The following KHDRBS3 variants were observed in gnomAD, a reference collection of about 807,000 sequenced individuals.
The protein encoded by KHDRBS3 is KH domain-containing, RNA-binding, signal transduction-associated protein 3.
KHDRBS3 carries 23 observed loss-of-function variants against 45.6 expected under a neutral mutation model. That is an observed-to-expected ratio of 0.50 (90% CI 0.36 to 0.72). The LOEUF (loss-of-function observed/expected upper bound fraction) is 0.72. KHDRBS3 is among the 30% of genes least tolerant of loss of function. The pLI is 0.00. For missense variants in KHDRBS3, 352 were observed against 424.8 expected (o/e 0.83, Z 1.51); for synonymous variants, 162 against 156.5 (o/e 1.04, Z -0.26).
chr8:135,550,280 C>T (rs1489842553), intron 4 of KHDRBS3, among the ~76,000 whole-genome samples: 1 of 152,112 alleles, frequency 6.6e-6, no homozygotes, highest in Non-Finnish European at 1.5e-5. Context: ...TCTAATTTAC[C>T]TCACACAGAA....
chr8:135,464,305 C>T (rs1239136574), intron 1 of KHDRBS3, among the ~76,000 whole-genome samples: 1 of 152,166 alleles, frequency 6.6e-6, no homozygotes. Context: ...TGCTCTCCGG[C>T]AGTCTTCAGT....
intron 7 of KHDRBS3, among the ~76,000 whole-genome samples, chr8:135,615,357 T>C (rs1223772307): frequency 6.6e-6 from 1 of 151,800 alleles, no homozygotes; most frequent in Non-Finnish European, 1.5e-5. Context: ...TCTGCTGTAG[T>C]GTATCAGACA....
At chr8:135,639,117 A>T (rs867256387) in intron 7 of KHDRBS3, among the ~76,000 whole-genome samples, 1 of 152,224 alleles carries the variant, frequency 6.6e-6, no homozygotes, top group Non-Finnish European at 1.5e-5. Context: ...TAACATGTGG[A>T]TGAGCATTGA....
rs200786752 is a variant in KHDRBS3, at chr8:135,542,562, TG to T, written c.208-91del. The T allele has an allele frequency of 3.6e-3, 2,714 of 755,296 alleles. 41 individuals carry two copies. Among genetic ancestry groups the T allele is most frequent in the African/African-American group, 0.035 (2,016 of 57,356 alleles). 46.8% of individuals were successfully genotyped at this position (755,296 alleles called of 1,614,324 possible). ...TTAAATATTTGCCATTAATCAATGA[TG>T]TGTAGCACACTACAGTGTTTCTTAA... On this transcript the variant is annotated intron_variant, in intron 2 of 8. Coordinates refer to ENST00000355849, the MANE Select transcript of KHDRBS3 (RefSeq NM_006558.3).
chr8:135,639,986 AAAGTG>A (rs1830994110), intron 7 of KHDRBS3, among the ~76,000 whole-genome samples: 1 of 152,284 alleles, frequency 6.6e-6, no homozygotes, highest in Middle Eastern at 3.4e-3. Flanking sequence ...GTTAAAGAAA[AAAGTG>A]GAGAGGGTTG....
intron 7 of KHDRBS3, among the ~76,000 whole-genome samples, chr8:135,623,754 TCA>T (rs1830247852): frequency 6.6e-6 from 1 of 152,184 alleles, no homozygotes; most frequent in Admixed American, 6.5e-5. Flanking sequence ...GGCTAGTTAC[TCA>T]CAGTTTTTGG....
intron 1 of KHDRBS3, among the ~76,000 whole-genome samples, chr8:135,494,399 C>T (rs956275054): frequency 6.6e-6 from 1 of 151,390 alleles, no homozygotes; most frequent in Non-Finnish European, 1.5e-5. Context: ...CTGCCTCAGC[C>T]TCCTGAGTAG....
chr8:135,513,203 A>G (rs1051159273), intron 1 of KHDRBS3, among the ~76,000 whole-genome samples: 1 of 152,134 alleles, frequency 6.6e-6, no homozygotes, highest in Non-Finnish European at 1.5e-5. Flanking sequence ...CCGTCTCAAA[A>G]AAAAAAAGAA....
chr8:135,570,539 T>C (rs1228147773), intron 5 of KHDRBS3, among the ~76,000 whole-genome samples: 2 of 152,268 alleles, frequency 1.3e-5, no homozygotes, highest in East Asian at 3.9e-4. Context: ...TATAGGAAAA[T>C]GGTAATATAT....
chr8:135,499,129 G>A (rs2130489100), intron 1 of KHDRBS3, among the ~76,000 whole-genome samples: 1 of 152,286 alleles, frequency 6.6e-6, no homozygotes, highest in Middle Eastern at 3.4e-3. Flanking sequence ...ACGAGAGAGT[G>A]CAGTTGTGGT....
chr8:135,644,289 G>C (rs552913340), intron 7 of KHDRBS3, among the ~76,000 whole-genome samples: 5 of 152,004 alleles, frequency 3.3e-5, no homozygotes, highest in African/African-American at 1.2e-4. Context: ...CTCTTTCCTC[G>C]TGCTCTCTCA....
At chr8:135,655,706 T>C (rs1831518704) in intron 4 of KHDRBS3, among the ~76,000 whole-genome samples, 1 of 150,776 alleles carries the variant, frequency 6.6e-6, no homozygotes, top group Non-Finnish European at 1.5e-5. Context: ...ACAATGGCCA[T>C]TTCTCTGCTG....
In KHDRBS3 at chr8:135,592,610, T is replaced by C. The variant is rs555458545; in HGVS notation, c.807+10537T>C. On this transcript the variant is annotated intron_variant, in intron 6 of 8. Transcript: ENST00000355849. Reference sequence around the variant, plus strand: ...GATAAGAGTCTAAGAAGGAACATAATGTTGGGGAGGAAAAGTAATTTTCTG... The same window carrying C: ...GATAAGAGTCTAAGAAGGAACATAACGTTGGGGAGGAAAAGTAATTTTCTG... 4.6e-5 allele frequency among the ~76,000 whole-genome samples: 7 copies of C among 152,268 alleles called. No individual in the cohort carries two copies. The South Asian group carries it at 1.4e-3, about 32-fold the overall frequency.
intron 7 of KHDRBS3, among the ~76,000 whole-genome samples, chr8:135,618,875 G>A (rs1435978043): frequency 6.6e-6 from 1 of 152,194 alleles, no homozygotes; most frequent in Admixed American, 6.5e-5. Flanking sequence ...CTTGGAATTT[G>A]TGATTGTGTT....
intron 3 of KHDRBS3, among the ~76,000 whole-genome samples, chr8:135,545,150 C>T (rs1038522558): frequency 3.9e-5 from 6 of 152,056 alleles, no homozygotes. Flanking sequence ...GGAGGAAGCT[C>T]ACACACTAGG....
At chr8:135,585,484 C>G (rs1259525687) in intron 6 of KHDRBS3, among the ~76,000 whole-genome samples, 2 of 152,052 alleles carry the variant, frequency 1.3e-5, no homozygotes, top group African/African-American at 4.8e-5. Context: ...TTCCTCCCAC[C>G]CACCACACTT....
chr8:135,509,031 A>G (rs994588644), intron 1 of KHDRBS3, among the ~76,000 whole-genome samples: 7 of 152,204 alleles, frequency 4.6e-5, no homozygotes, highest in African/African-American at 1.7e-4. Flanking sequence ...GTGAACCTCA[A>G]TCTCAGTCAT....
At chr8:135,594,193 A>C (rs140448840) in intron 6 of KHDRBS3, among the ~76,000 whole-genome samples, 45 of 152,366 alleles carry the variant, frequency 3.0e-4, no homozygotes, top group African/African-American at 1.1e-3. Context: ...AAAGTAAATA[A>C]AATTAAAAAG....
chr8:135,471,809 T>C (rs1443661995), intron 1 of KHDRBS3, among the ~76,000 whole-genome samples: 1 of 152,226 alleles, frequency 6.6e-6, no homozygotes, highest in East Asian at 1.9e-4. Flanking sequence ...TTCTCTTCGC[T>C]CGCTCTCTGT....
Sources: allele counts gnomAD v4.1 joint callset (sites outside exome capture counted in the v4.1 genomes callset), GRCh38; gene constraint gnomAD v4.1.1; transcripts MANE v1.5; gene names NCBI Gene and HGNC (gene_info 2026-07-23, HGNC 2026-07-21).